Variants in ARMC9 observed in about 807,000 individuals in gnomAD.
ARMC9 encodes the protein lisH domain-containing protein ARMC9.
ARMC9 carries 94 observed loss-of-function variants against 107.0 expected under a neutral mutation model. The observed-to-expected ratio is 0.88, with a 90% CI of 0.74 to 1.04. ARMC9 has a LOEUF of 1.04. Ranked by LOEUF, ARMC9 falls within the 50% of genes least tolerant of loss-of-function variation. ARMC9 has a pLI of 0.00. For missense variants in ARMC9, 942 were observed against 1,030.1 expected, an observed-to-expected ratio of 0.91 and a Z score of 1.17; for synonymous variants, 380 against 396.9, an observed-to-expected ratio of 0.96 and a Z score of 0.51.
intron 19 of ARMC9, among the ~76,000 whole-genome samples, chr2:231,327,271 G>A (rs1389754745): frequency 1.3e-5 from 2 of 152,120 alleles, no homozygotes; most frequent in African/African-American, 2.4e-5. Flanking sequence ...TAACTCTTCT[G>A]TTTTTAATTC....
intron 17 of ARMC9, among the ~76,000 whole-genome samples, chr2:231,291,089 G>A (rs1052936666): frequency 6.6e-6 from 1 of 152,082 alleles, no homozygotes; most frequent in Non-Finnish European, 1.5e-5. Flanking sequence ...GCCCTTGTGG[G>A]ACCAGTTGGA....
At chr2:231,333,893 G>T (rs1230877115) in intron 20 of ARMC9, among the ~76,000 whole-genome samples, 1 of 152,220 alleles carries the variant, frequency 6.6e-6, no homozygotes, top group Non-Finnish European at 1.5e-5. Context: ...ATGCCATGGG[G>T]GAGGATCTTC....
At chr2:231,343,516 A>G (rs2044642130) in intron 20 of ARMC9, among the ~76,000 whole-genome samples, 3 of 152,102 alleles carry the variant, frequency 2.0e-5, no homozygotes, top group South Asian at 2.1e-4. Context: ...CCTGGTGCTA[A>G]TATCTTATGT....
At chr2:231,324,550 G>C (rs1296129507) in intron 19 of ARMC9, among the ~76,000 whole-genome samples, 1 of 150,742 alleles carries the variant, frequency 6.6e-6, no homozygotes, top group Non-Finnish European at 1.5e-5. Flanking sequence ...TTGGGAGTTC[G>C]AGACCAGCCT....
intron 21 of ARMC9, among the ~76,000 whole-genome samples, chr2:231,354,407 A>G (rs1376141055): frequency 7.0e-5 from 8 of 113,916 alleles, no homozygotes; most frequent in Admixed American, 1.2e-4. Flanking sequence ...TTTGAGACAG[A>G]GTCTCACTCT....
chr2:231,273,883 T>C (rs2039547129), intron 14 of ARMC9, among the ~76,000 whole-genome samples: 1 of 152,180 alleles, frequency 6.6e-6, no homozygotes, highest in Non-Finnish European at 1.5e-5. Context: ...AGAAACCTCA[T>C]ACCCATTTAC....
intron 20 of ARMC9, among the ~76,000 whole-genome samples, chr2:231,338,535 C>CT (rs764466867): frequency 0.09 from 9,412 of 104,812 alleles, 1,790 homozygotes; most frequent in African/African-American, 0.33. Flanking sequence ...CCCCAATTCA[C>CT]TTTTTTTTTT....
chr2:231,316,760 A>ATTGTT (rs914011366), intron 19 of ARMC9, among the ~76,000 whole-genome samples: 6 of 151,516 alleles, frequency 4.0e-5, no homozygotes, highest in South Asian at 2.1e-4. Context: ...TCTGGCTTCC[A>ATTGTT]TTGTTTTGTT....
At chr2:231,282,335 C>G (rs757222289) in intron 17 of ARMC9, among the ~76,000 whole-genome samples, 1 of 152,226 alleles carries the variant, frequency 6.6e-6, no homozygotes, top group Non-Finnish European at 1.5e-5. Flanking sequence ...GGATCCCTAA[C>G]TCCTAAATGG....
intron 5 of ARMC9, 33 bp downstream of exon 5, chr2:231,216,826 C>G (rs2033559470): frequency 6.3e-7 from 1 of 1,593,158 alleles, no homozygotes; most frequent in Non-Finnish European, 8.5e-7. Flanking sequence ...TGTGTCAGAT[C>G]CTGGGTGACA....
At chr2:231,212,615 G>A (rs2033024999) in intron 3 of ARMC9, among the ~76,000 whole-genome samples, 1 of 152,220 alleles carries the variant, frequency 6.6e-6, no homozygotes. Context: ...GTTTGCTTGG[G>A]ACCTTGGCAG....
At chr2:231,218,596 C>T (rs1350490204) in intron 5 of ARMC9, among the ~76,000 whole-genome samples, 3 of 152,130 alleles carry the variant, frequency 2.0e-5, no homozygotes, top group African/African-American at 4.8e-5. Context: ...ATTTGGTGTT[C>T]CAAGGTGGAG....
At chr2:231,339,205 G>T (rs2044336710) in intron 20 of ARMC9, among the ~76,000 whole-genome samples, 1 of 144,108 alleles carries the variant, frequency 6.9e-6, no homozygotes, top group African/African-American at 2.4e-5. Flanking sequence ...GTGTGCATCT[G>T]TAATCCCAGC....
At chr2:231,213,784 TAGAAGTATAAA>T (rs1559295708) in intron 3 of ARMC9, among the ~76,000 whole-genome samples, 1 of 152,174 alleles carries the variant, frequency 6.6e-6, no homozygotes, top group Non-Finnish European at 1.5e-5. Context: ...AACTCATTTT[TAGAAGTATAAA>T]AGAACAATGG....
At chr2:231,208,097 CT>C in intron 2 of ARMC9, 29 bp from the exon 3 acceptor site, 1 of 964,574 alleles carries the variant, frequency 1.0e-6, no homozygotes, top group South Asian at 1.5e-5. Flanking sequence ...GTTTGTTTTG[CT>C]GTTGAATTGA....
In ARMC9 at chr2:231,331,897, G is replaced by T. The variant is rs781418413; in HGVS notation, c.1878G>T (p.Gly626=). The T allele has an allele frequency of 6.2e-7, 1 of 1,609,482 alleles. No individual in the cohort carries two copies. The highest frequency in any genetic ancestry group is 1.7e-5 in the Admixed American group (1 of 59,910). ...AGCTTCTGACCACGGAGTACCTGGG[G>T]GTAAGTGCCACACAAAGGGTGGGGA... The part of the protein sequence containing the change: ...GEKLLTTEYL[G]IMTNTGKTRR... Residue 626 remains glycine (G), a splice_region_variant and synonymous_variant, in exon 20 of 25, where the codon GGG becomes GGT. Transcript: ENST00000611582.
chr2:231,268,732 C>T (rs1205030025), intron 12 of ARMC9, among the ~76,000 whole-genome samples: 1 of 152,112 alleles, frequency 6.6e-6, no homozygotes. Flanking sequence ...GAAGACATTG[C>T]TCCATTGTCT....
At chr2:231,332,996 G>A (rs2043844927) in intron 20 of ARMC9, among the ~76,000 whole-genome samples, 1 of 152,182 alleles carries the variant, frequency 6.6e-6, no homozygotes, top group South Asian at 2.1e-4. Flanking sequence ...GACGATGCAT[G>A]CAGGTGGCCT....
intron 9 of ARMC9, among the ~76,000 whole-genome samples, chr2:231,253,106 T>TTTTTG (rs2037453888): frequency 6.7e-6 from 1 of 148,936 alleles, no homozygotes; most frequent in African/African-American, 2.5e-5. Context: ...ATTTTCATTG[T>TTTTTG]TTTTTGTTTT....
Sources: gnomAD v4.1 joint callset for allele counts (sites outside exome capture counted in the v4.1 genomes callset) on GRCh38, gnomAD v4.1.1 for gene constraint, MANE v1.5 for transcripts, NCBI Gene and HGNC (gene_info 2026-07-23, HGNC 2026-07-21) for gene names.